SEMA5A: variants seen among roughly 807,000 people sequenced by gnomAD.
SEMA5A encodes the protein semaphorin-5A.
A neutral mutation model predicts 135.5 loss-of-function variants in SEMA5A; 55 were observed. The observed-to-expected ratio is 0.41, with a 90% CI of 0.33 to 0.51. SEMA5A has a LOEUF of 0.51. Among genes scored for constraint, SEMA5A ranks in the 20% least tolerant of loss-of-function variants. The pLI, the probability that SEMA5A is intolerant of heterozygous loss-of-function variation, is 0.37. For missense variants in SEMA5A, 1,290 were observed against 1,419.9 expected, an observed-to-expected ratio of 0.91 and a Z score of 1.47; for synonymous variants, 580 against 546.5, an observed-to-expected ratio of 1.06 and a Z score of -0.85.
chr5:9,059,794 T>C (rs1338321853), intron 18 of SEMA5A, among the ~76,000 whole-genome samples: 1 of 152,164 alleles, frequency 6.6e-6, no homozygotes, highest in African/African-American at 2.4e-5. Flanking sequence ...AAGTGATCTA[T>C]CCAACTCTAC....
chr5:9,374,205 A>C (rs1755261685), intron 3 of SEMA5A, among the ~76,000 whole-genome samples: 1 of 152,202 alleles, frequency 6.6e-6, no homozygotes, highest in African/African-American at 2.4e-5. Flanking sequence ...AAAGCGTGTT[A>C]TGCAATGAAC....
intron 4 of SEMA5A, among the ~76,000 whole-genome samples, chr5:9,319,776 T>C (rs1207724254): frequency 7.1e-6 from 1 of 141,542 alleles, no homozygotes; most frequent in East Asian, 2.1e-4. Context: ...TCACTTCTTA[T>C]TGGTTTTACA....
chr5:9,315,640 T>C (rs1409928007), intron 5 of SEMA5A, among the ~76,000 whole-genome samples: 1 of 152,186 alleles, frequency 6.6e-6, no homozygotes, highest in East Asian at 1.9e-4. Flanking sequence ...CAGTTTTTTG[T>C]AGGATGTCCC....
At chr5:9,290,154 C>T (rs1247927582) in intron 5 of SEMA5A, among the ~76,000 whole-genome samples, 1 of 152,052 alleles carries the variant, frequency 6.6e-6, no homozygotes, top group Non-Finnish European at 1.5e-5. Context: ...CACCTATCAC[C>T]CAAGCAGGCT....
chr5:9,193,991 T>C (rs1179155975), intron 10 of SEMA5A, among the ~76,000 whole-genome samples: 1 of 152,218 alleles, frequency 6.6e-6, no homozygotes, highest in East Asian at 1.9e-4. Context: ...AACAACTGCC[T>C]CCTCATCCAC....
intron 9 of SEMA5A, among the ~76,000 whole-genome samples, chr5:9,197,992 T>C (rs568332778): frequency 6.6e-6 from 1 of 152,090 alleles, no homozygotes; most frequent in African/African-American, 2.4e-5. Flanking sequence ...GAGAAAGTCA[T>C]AAATGGGAGC....
At chr5:9,046,539 G>A (rs904646126) in intron 21 of SEMA5A, among the ~76,000 whole-genome samples, 1 of 152,186 alleles carries the variant, frequency 6.6e-6, no homozygotes, top group Non-Finnish European at 1.5e-5. Flanking sequence ...CCTGGCCTAG[G>A]TCTACGGGGC....
At chr5:9,051,710 A>G (rs1179888141) in intron 20 of SEMA5A, among the ~76,000 whole-genome samples, 163 bp downstream of exon 20, 1 of 152,174 alleles carries the variant, frequency 6.6e-6, no homozygotes, top group East Asian at 1.9e-4. Context: ...TTAAATCTGC[A>G]GTTATCTATA....
chr5:9,176,414 G>A (rs555526772), intron 11 of SEMA5A, among the ~76,000 whole-genome samples: 1 of 152,328 alleles, frequency 6.6e-6, no homozygotes, highest in East Asian at 1.9e-4. Context: ...CTTCAGATGA[G>A]ACTGCAGCCC....
At chr5:9,323,881 TG>T (rs904638898) in intron 4 of SEMA5A, among the ~76,000 whole-genome samples, 3 of 151,692 alleles carry the variant, frequency 2.0e-5, no homozygotes, top group African/African-American at 7.3e-5. Flanking sequence ...AGGCTGGTCT[TG>T]AACTCCTGAC....
At chr5:9,149,016 G>T (rs538907521) in intron 12 of SEMA5A, among the ~76,000 whole-genome samples, 51 of 152,270 alleles carry the variant, frequency 3.3e-4, no homozygotes, top group Admixed American at 2.9e-3. Context: ...CACCATGCCC[G>T]GCTGCCCCTT....
At chr5:9,061,846 C>CT (rs1435036706) in intron 18 of SEMA5A, among the ~76,000 whole-genome samples, 1 of 152,064 alleles carries the variant, frequency 6.6e-6, no homozygotes, top group Non-Finnish European at 1.5e-5. Flanking sequence ...TGAGGTAGAC[C>CT]TTTTGTGACA....
intron 8 of SEMA5A, among the ~76,000 whole-genome samples, chr5:9,203,427 CA>C (rs1745831150): frequency 6.6e-6 from 1 of 151,978 alleles, no homozygotes; most frequent in South Asian, 2.1e-4. Context: ...ACTGGCAGGA[CA>C]ACTAAAAATA....
At chr5:9,203,270 G>C (rs775848900) in intron 8 of SEMA5A, among the ~76,000 whole-genome samples, 13 of 152,192 alleles carry the variant, frequency 8.5e-5, no homozygotes, top group Non-Finnish European at 1.2e-4. Flanking sequence ...AATTATAGCA[G>C]TAACCTTTGG....
At chr5:9,493,246 TATAA>T (rs1217737092) in intron 1 of SEMA5A, among the ~76,000 whole-genome samples, 2 of 150,358 alleles carry the variant, frequency 1.3e-5, no homozygotes, top group Non-Finnish European at 3.0e-5. Flanking sequence ...TTCATAAATA[TATAA>T]ATATATATAC....
chr5:9,181,878 T>A (rs1744532530), intron 11 of SEMA5A, among the ~76,000 whole-genome samples: 1 of 151,490 alleles, frequency 6.6e-6, no homozygotes. Context: ...CTGCCCCATC[T>A]CACTCCCAGC....
Position 9,323,137 on chromosome 5 carries a change from T to A in SEMA5A, c.225-4720A>T, listed in dbSNP as rs142312259. 7.6e-4 allele frequency among the ~76,000 whole-genome samples: 116 copies of A among 152,308 alleles called. No individual in the cohort carries two copies. The Middle Eastern group carries it at 0.014, about 18-fold the overall frequency. ...CTGCCCATACCTAATTCTAAGAATATCCCTATTTCTTAACTTATAAAATGA... is the reference window on the plus strand; with the variant it reads ...CTGCCCATACCTAATTCTAAGAATAACCCTATTTCTTAACTTATAAAATGA... On this transcript the variant is annotated intron_variant, in intron 4 of 22. Transcript: ENST00000382496.
At chr5:9,523,820 G>A (rs540265446) in intron 1 of SEMA5A, among the ~76,000 whole-genome samples, 3 of 152,288 alleles carry the variant, frequency 2.0e-5, no homozygotes, top group Non-Finnish European at 2.9e-5. Flanking sequence ...TCTGTGCTCC[G>A]CTCCCTTACA....
chr5:9,469,842 G>A (rs923877548), intron 1 of SEMA5A, among the ~76,000 whole-genome samples: 30 of 152,210 alleles, frequency 2.0e-4, no homozygotes, highest in African/African-American at 6.5e-4. Flanking sequence ...GGTATTTGGA[G>A]TACTTTTACT....
Sources: allele counts gnomAD v4.1 joint callset (sites outside exome capture counted in the v4.1 genomes callset), GRCh38; gene constraint gnomAD v4.1.1; transcripts MANE v1.5; gene names NCBI Gene and HGNC (gene_info 2026-07-23, HGNC 2026-07-21).